Variants in MAGI2 observed in about 807,000 individuals in gnomAD.
MAGI2 encodes membrane-associated guanylate kinase, WW and PDZ domain-containing protein 2.
A neutral mutation model predicts 133.3 loss-of-function variants in MAGI2; 35 were observed. That is an observed-to-expected ratio of 0.26 (90% CI 0.20 to 0.35). The LOEUF is 0.35. MAGI2 is among the 10% of genes least tolerant of loss of function. MAGI2 has a pLI of 1.00. For synonymous variants in MAGI2, 729 were observed against 710.6 expected, an observed-to-expected ratio of 1.03 and a Z score of -0.41; for missense variants, 1,636 against 1,863.4, an observed-to-expected ratio of 0.88 and a Z score of 2.25.
chr7:79,240,829 A>C (rs1439727843), intron 1 of MAGI2, among the ~76,000 whole-genome samples: 1 of 152,026 alleles, frequency 6.6e-6, no homozygotes, highest in African/African-American at 2.4e-5. Context: ...TTGTGTTCAA[A>C]ACTCTCGTTG....
At chr7:78,899,456 C>T (rs190778212) in intron 2 of MAGI2, among the ~76,000 whole-genome samples, 1 of 152,298 alleles carries the variant, frequency 6.6e-6, no homozygotes, top group African/African-American at 2.4e-5. Flanking sequence ...GAATCAGAGT[C>T]AGTTTACCTC....
intron 1 of MAGI2, among the ~76,000 whole-genome samples, chr7:79,432,743 C>T (rs62459000): frequency 0.084 from 12,714 of 152,176 alleles, 600 homozygotes; most frequent in Middle Eastern, 0.15. Flanking sequence ...AGTCTATTCC[C>T]CTGTCAGAAA....
intron 9 of MAGI2, among the ~76,000 whole-genome samples, chr7:78,297,511 T>A (rs2151061976): frequency 6.6e-6 from 1 of 151,020 alleles, no homozygotes; most frequent in South Asian, 2.1e-4. Context: ...ATCATGCTGC[T>A]ATAAAGACAC....
intron 1 of MAGI2, among the ~76,000 whole-genome samples, chr7:79,230,456 G>T (rs1173720662): frequency 2.6e-5 from 4 of 151,576 alleles, no homozygotes; most frequent in African/African-American, 7.3e-5. Context: ...AGCACCTGTT[G>T]TTTCCTGACT....
chr7:78,776,373 A>T (rs748893117), intron 2 of MAGI2, among the ~76,000 whole-genome samples: 1 of 152,260 alleles, frequency 6.6e-6, no homozygotes, highest in Non-Finnish European at 1.5e-5. Context: ...TTAACTAATC[A>T]TAAACTACAT....
At chr7:78,775,819 C>T (rs1034420216) in intron 2 of MAGI2, among the ~76,000 whole-genome samples, 1 of 152,070 alleles carries the variant, frequency 6.6e-6, no homozygotes, top group Non-Finnish European at 1.5e-5. Flanking sequence ...GGATGAAGAC[C>T]CAACGCAACT....
At chr7:79,045,793 CAA>C (rs1812123421) in intron 1 of MAGI2, among the ~76,000 whole-genome samples, 1 of 150,384 alleles carries the variant, frequency 6.6e-6, no homozygotes. Context: ...CTCCATCCCC[CAA>C]AAAAAGAGTG....
chr7:79,349,555 T>C (rs887652029), intron 1 of MAGI2, among the ~76,000 whole-genome samples: 6 of 151,998 alleles, frequency 3.9e-5, no homozygotes, highest in African/African-American at 1.4e-4. Context: ...GTTATTACTA[T>C]TTTACCTAAA....
chr7:78,522,633 G>C (rs1259097537), intron 3 of MAGI2, among the ~76,000 whole-genome samples: 1 of 152,118 alleles, frequency 6.6e-6, no homozygotes, highest in Non-Finnish European at 1.5e-5. Flanking sequence ...GCCTGCCTCG[G>C]CCCCCCAAAG....
intron 21 of MAGI2, among the ~76,000 whole-genome samples, chr7:78,034,307 T>C (rs1365427127): frequency 6.6e-6 from 1 of 152,144 alleles, no homozygotes; most frequent in African/African-American, 2.4e-5. Context: ...AAGCATTTAA[T>C]GGAGGAGGTA....
chr7:79,061,919 T>C (rs1360668093), intron 1 of MAGI2, among the ~76,000 whole-genome samples: 1 of 152,112 alleles, frequency 6.6e-6, no homozygotes, highest in African/African-American at 2.4e-5. Flanking sequence ...TTATTTAATC[T>C]TCCATTTTCT....
At chr7:79,204,731 A>C (rs528370603) in intron 1 of MAGI2, among the ~76,000 whole-genome samples, 2 of 152,196 alleles carry the variant, frequency 1.3e-5, no homozygotes, top group African/African-American at 4.8e-5. Flanking sequence ...AAAATAAGGA[A>C]AACACTAAGT....
intron 6 of MAGI2, among the ~76,000 whole-genome samples, chr7:78,408,453 T>C (rs1165628727): frequency 1.3e-5 from 2 of 152,078 alleles, no homozygotes; most frequent in African/African-American, 4.8e-5. Flanking sequence ...CAGCCTGCAG[T>C]TTATCTTTGA....
chr7:78,858,497 C>A (rs528592203), intron 2 of MAGI2, among the ~76,000 whole-genome samples: 21 of 152,160 alleles, frequency 1.4e-4, no homozygotes, highest in African/African-American at 4.6e-4. Flanking sequence ...TTCTGCCTTC[C>A]TTTCGTTATG....
chr7:78,514,086 CAAAAAAAAAA>C (rs67534111), intron 4 of MAGI2, among the ~76,000 whole-genome samples: 7 of 47,198 alleles, frequency 1.5e-4, no homozygotes, highest in South Asian at 2.2e-3. Flanking sequence ...GAAACTGTCT[CAAAAAAAAAA>C]AAAAAAAAAA....
chr7:78,387,543 G>C (rs1212064053), intron 6 of MAGI2, among the ~76,000 whole-genome samples: 1 of 152,182 alleles, frequency 6.6e-6, no homozygotes, highest in Non-Finnish European at 1.5e-5. Flanking sequence ...TAAAGTAAAA[G>C]AGACAGGCAA....
chr7:78,600,207 C>T (rs993437979), intron 3 of MAGI2, among the ~76,000 whole-genome samples: 2 of 152,004 alleles, frequency 1.3e-5, no homozygotes, highest in Non-Finnish European at 2.9e-5. Flanking sequence ...CTCCTGTCTC[C>T]AAAGCCCTAC....
intron 1 of MAGI2, among the ~76,000 whole-genome samples, chr7:79,334,579 A>G (rs1042214389): frequency 6.6e-6 from 1 of 152,136 alleles, no homozygotes; most frequent in African/African-American, 2.4e-5. Flanking sequence ...TACTTAAACC[A>G]TATCTATGTA....
At chr7:79,174,923 C>T (rs968850809) in intron 1 of MAGI2, among the ~76,000 whole-genome samples, 1 of 151,832 alleles carries the variant, frequency 6.6e-6, no homozygotes, top group Admixed American at 6.6e-5. Flanking sequence ...TTGATGCACA[C>T]TATTTTGGAC....
Sources: gnomAD v4.1 joint callset for allele counts (sites outside exome capture counted in the v4.1 genomes callset) on GRCh38, gnomAD v4.1.1 for gene constraint, MANE v1.5 for transcripts, NCBI Gene and HGNC (gene_info 2026-07-23, HGNC 2026-07-21) for gene names.